NRG1: variants seen among roughly 807,000 people sequenced by gnomAD.
NRG1 encodes pro-neuregulin-1, membrane-bound isoform.
In NRG1, 18 loss-of-function variants were observed where a neutral mutation model predicts 63.8. The observed-to-expected ratio is 0.28, with a 90% CI of 0.19 to 0.42. The LOEUF (loss-of-function observed/expected upper bound fraction) is 0.42, where lower values mean the gene tolerates loss of function less well. Ranked by LOEUF, NRG1 falls within the 10% of genes least tolerant of loss-of-function variation. The probability of loss-of-function intolerance (pLI) is 1.00; values close to 1 mark genes in which losing one functional copy is unlikely to be tolerated. For synonymous variants in NRG1, 302 were observed against 301.3 expected (o/e 1.00, Z -0.02); for missense variants, 762 against 814.7 (o/e 0.94, Z 0.79).
rs1382942170 is a variant in NRG1 at position 31,936,459 on chromosome 8, T to C, written c.37+297028T>C. On this transcript the variant is annotated intron_variant, in intron 1 of 10. Coordinates refer to the NRG1 transcript ENST00000519301. ...TAGTAATCTTGAGTGTCTCCCCTTT[T>C]CAATTCACTTAGGAATTTTGCATTT... Among the ~76,000 whole-genome samples the C allele has an allele frequency of 5.3e-5, 8 of 152,222 alleles. No homozygotes were observed. The East Asian group carries it at 1.5e-3, about 29-fold the overall frequency.
chr8:31,934,174 G>C (rs1835094917), intron 1 of NRG1, among the ~76,000 whole-genome samples: 1 of 152,046 alleles, frequency 6.6e-6, no homozygotes, highest in Admixed American at 6.5e-5. Flanking sequence ...TAAAATTTTA[G>C]TAAACTTTTT....
chr8:32,727,741 A>C (rs542356164), intron 5 of NRG1, among the ~76,000 whole-genome samples: 1 of 152,204 alleles, frequency 6.6e-6, no homozygotes, highest in Non-Finnish European at 1.5e-5. Flanking sequence ...AAAATTAGTT[A>C]ACTCTATAAT....
intron 1 of NRG1, among the ~76,000 whole-genome samples, chr8:32,367,776 C>A (rs1021023990): frequency 6.6e-6 from 1 of 152,204 alleles, no homozygotes; most frequent in Non-Finnish European, 1.5e-5. Context: ...TGTTTTCCCT[C>A]TTTTCTTCTG....
At chr8:32,528,010 A>G (rs1335047824) in intron 1 of NRG1, among the ~76,000 whole-genome samples, 1 of 152,082 alleles carries the variant, frequency 6.6e-6, no homozygotes, top group African/African-American at 2.4e-5. Flanking sequence ...TCCCCTTTGC[A>G]TCAAGCTTAC....
At chr8:32,178,129 A>C (rs1841005361) in intron 1 of NRG1, among the ~76,000 whole-genome samples, 1 of 152,154 alleles carries the variant, frequency 6.6e-6, no homozygotes, top group Non-Finnish European at 1.5e-5. Context: ...CAGAATTCCG[A>C]AAAACTCCAT....
At chr8:32,236,661 A>G (rs1847592037) in intron 1 of NRG1, among the ~76,000 whole-genome samples, 1 of 152,250 alleles carries the variant, frequency 6.6e-6, no homozygotes, top group Admixed American at 6.5e-5. Context: ...AAAAAAAGAA[A>G]CATTTCAGCT....
At chr8:32,310,421 A>G (rs1163655764) in intron 1 of NRG1, among the ~76,000 whole-genome samples, 1 of 152,204 alleles carries the variant, frequency 6.6e-6, no homozygotes, top group Non-Finnish European at 1.5e-5. Context: ...TATCGATCCC[A>G]CAAAATACAC....
At chr8:32,361,429 G>A (rs1807202583) in intron 1 of NRG1, among the ~76,000 whole-genome samples, 1 of 152,144 alleles carries the variant, frequency 6.6e-6, no homozygotes, top group Non-Finnish European at 1.5e-5. Flanking sequence ...TCCTTGCTTA[G>A]TGGGCTGTGC....
At chr8:32,447,186 A>ATT (rs1049884824) in intron 1 of NRG1, among the ~76,000 whole-genome samples, 2 of 147,562 alleles carry the variant, frequency 1.4e-5, no homozygotes, top group African/African-American at 5.0e-5. Flanking sequence ...CACCCGGCTA[A>ATT]TTTTTTTTTT....
At chr8:32,227,032 G>A (rs1846396799) in intron 1 of NRG1, among the ~76,000 whole-genome samples, 1 of 152,170 alleles carries the variant, frequency 6.6e-6, no homozygotes, top group Admixed American at 6.5e-5. Flanking sequence ...TTCTGAAACA[G>A]GCAGTGAGTA....
chr8:32,131,413 A>C (rs1340532071), intron 1 of NRG1, among the ~76,000 whole-genome samples: 1 of 151,960 alleles, frequency 6.6e-6, no homozygotes, highest in Non-Finnish European at 1.5e-5. Context: ...CAGGGCAGAG[A>C]GTTATATTTT....
intron 5 of NRG1, among the ~76,000 whole-genome samples, chr8:32,723,057 C>T (rs1008371940): frequency 5.9e-5 from 9 of 152,078 alleles, no homozygotes; most frequent in African/African-American, 1.2e-4. Context: ...TTTGTTTGCT[C>T]AATATTTATG....
chr8:32,091,919 T>G (rs2131276964), intron 1 of NRG1, among the ~76,000 whole-genome samples: 1 of 152,232 alleles, frequency 6.6e-6, no homozygotes, highest in Middle Eastern at 3.4e-3. Flanking sequence ...GGCCTCGATC[T>G]GATGTGTCTG....
chr8:32,463,709 C>T (rs888118186), intron 1 of NRG1, among the ~76,000 whole-genome samples: 3 of 151,544 alleles, frequency 2.0e-5, no homozygotes, highest in East Asian at 3.9e-4. Flanking sequence ...AGTTTGGTGG[C>T]ACATGCCTGT....
intron 1 of NRG1, among the ~76,000 whole-genome samples, chr8:32,490,107 T>C (rs1371027162): frequency 6.6e-6 from 1 of 152,108 alleles, no homozygotes. Flanking sequence ...AGTTTGAGAC[T>C]AGCCTGAGCA....
At chr8:32,374,041 A>AT (rs199884002) in intron 1 of NRG1, among the ~76,000 whole-genome samples, 10,538 of 151,398 alleles carry the variant, frequency 0.07, 406 homozygotes, top group Middle Eastern at 0.12. Flanking sequence ...TATGTGTACA[A>AT]TTTTTTTTTA....
intron 1 of NRG1, among the ~76,000 whole-genome samples, chr8:31,652,395 T>C (rs574054218): frequency 2.6e-5 from 4 of 152,340 alleles, no homozygotes; most frequent in African/African-American, 7.2e-5. Flanking sequence ...TAAAATAGAA[T>C]AGATGGTACT....
chr8:32,470,611 G>C (rs1446394816), intron 1 of NRG1, among the ~76,000 whole-genome samples: 2 of 152,148 alleles, frequency 1.3e-5, no homozygotes, highest in Non-Finnish European at 2.9e-5. Flanking sequence ...TATAAAACTA[G>C]AATTACTTTG....
intron 1 of NRG1, among the ~76,000 whole-genome samples, chr8:31,944,218 CTA>C (rs1460450097): frequency 6.6e-6 from 1 of 152,188 alleles, no homozygotes; most frequent in East Asian, 1.9e-4. Context: ...TAGATCTTGT[CTA>C]ACCCTTTCAT....
Sources: gnomAD v4.1 joint callset for allele counts (sites outside exome capture counted in the v4.1 genomes callset) on GRCh38, gnomAD v4.1.1 for gene constraint, MANE v1.5 for transcripts, NCBI Gene and HGNC (gene_info 2026-07-23, HGNC 2026-07-21) for gene names.